The following TRPM3 variants were observed in gnomAD, a reference collection of about 807,000 sequenced individuals.
The protein encoded by TRPM3 is transient receptor potential cation channel subfamily M member 3.
Under a neutral mutation model 181.2 loss-of-function variants are expected in TRPM3, and 77 were observed. The observed-to-expected ratio is 0.42, with a 90% CI of 0.35 to 0.51. TRPM3 has a LOEUF of 0.51. Ranked by LOEUF, TRPM3 falls within the 20% of genes least tolerant of loss-of-function variation. TRPM3 has a pLI of 0.01. For missense variants in TRPM3, 1,759 were observed against 2,196.7 expected (o/e 0.80, Z 3.98); for synonymous variants, 745 against 796.4 (o/e 0.94, Z 1.09).
Position 70,539,614 on chromosome 9 carries a change from C to T in TRPM3, c.3708-2209G>A, listed in dbSNP as rs537490354. Reference sequence around the variant, plus strand: ...GCTATTCTGTATCTGGCAAACTCAACGCCATGCACTCAGCTGACACAGCTA... The same window carrying T: ...GCTATTCTGTATCTGGCAAACTCAATGCCATGCACTCAGCTGACACAGCTA... On this transcript the variant is annotated intron_variant, in intron 25 of 25. Transcript: ENST00000677713. Among the ~76,000 whole-genome samples, 18 of 152,190 alleles carry T rather than the reference C, an allele frequency of 1.2e-4. No individual in the cohort carries two copies. In the South Asian group the frequency reaches 2.5e-3, roughly 21 times the overall value.
chr9:70,738,629 A>G (rs1375591458), intron 8 of TRPM3, among the ~76,000 whole-genome samples: 1 of 152,130 alleles, frequency 6.6e-6, no homozygotes, highest in African/African-American at 2.4e-5. Context: ...AAGAAATAAC[A>G]AAGATCAGGG....
intron 1 of TRPM3, among the ~76,000 whole-genome samples, chr9:71,357,445 G>A (rs770999586): frequency 5.3e-5 from 8 of 152,112 alleles, no homozygotes; most frequent in African/African-American, 1.7e-4. Context: ...AAGCAGACAC[G>A]TTTTATTGTA....
At chr9:71,152,048 G>A (rs764318863) in intron 1 of TRPM3, among the ~76,000 whole-genome samples, 16 of 152,120 alleles carry the variant, frequency 1.1e-4, no homozygotes, top group Admixed American at 2.0e-4. Flanking sequence ...TGTCATGGCC[G>A]ATTTTATGAT....
At chr9:71,282,980 G>C (rs73649707) in intron 1 of TRPM3, among the ~76,000 whole-genome samples, 2,765 of 152,124 alleles carry the variant, frequency 0.018, 85 homozygotes, top group African/African-American at 0.063. Flanking sequence ...TGCTTCCCAA[G>C]GTGCCATATC....
At chr9:71,105,796 T>C (rs1455607262) in intron 1 of TRPM3, among the ~76,000 whole-genome samples, 1 of 152,198 alleles carries the variant, frequency 6.6e-6, no homozygotes, top group Admixed American at 6.5e-5. Flanking sequence ...CAGAACGTAG[T>C]ACGTGTATAC....
At chr9:70,543,782 A>T (rs1176731608) in intron 25 of TRPM3, among the ~76,000 whole-genome samples, 1 of 152,174 alleles carries the variant, frequency 6.6e-6, no homozygotes, top group Non-Finnish European at 1.5e-5. Flanking sequence ...CAAGGAGAAA[A>T]TTCAAACCTC....
intron 1 of TRPM3, among the ~76,000 whole-genome samples, chr9:70,971,919 A>G (rs952803150): frequency 6.6e-6 from 1 of 152,182 alleles, no homozygotes; most frequent in African/African-American, 2.4e-5. Flanking sequence ...GGATGACTGT[A>G]ATGAAAAAGA....
intron 21 of TRPM3, among the ~76,000 whole-genome samples, chr9:70,597,613 C>T (rs1228715737): frequency 2.0e-5 from 3 of 152,182 alleles, no homozygotes; most frequent in Admixed American, 6.5e-5. Context: ...TCAGTCTCTA[C>T]GGAAAAAGTC....
At chr9:71,198,189 T>C (rs1377664945) in intron 1 of TRPM3, among the ~76,000 whole-genome samples, 14 of 152,014 alleles carry the variant, frequency 9.2e-5, no homozygotes, top group African/African-American at 3.1e-4. Flanking sequence ...TGTAGATATG[T>C]GGTGTTATTT....
At chr9:70,674,151 T>C (rs1285350627) in intron 9 of TRPM3, among the ~76,000 whole-genome samples, 1 of 152,148 alleles carries the variant, frequency 6.6e-6, no homozygotes, top group Non-Finnish European at 1.5e-5. Flanking sequence ...CTTGTACACA[T>C]AATTAGAAAT....
intron 1 of TRPM3, among the ~76,000 whole-genome samples, chr9:71,362,964 T>C (rs1366818106): frequency 6.6e-6 from 1 of 152,218 alleles, no homozygotes; most frequent in Non-Finnish European, 1.5e-5. Flanking sequence ...GATTCTTTCA[T>C]TTAAAACAAG....
intron 11 of TRPM3, among the ~76,000 whole-genome samples, chr9:70,637,952 C>A (rs1028651124): frequency 6.6e-6 from 1 of 152,062 alleles, no homozygotes; most frequent in African/African-American, 2.4e-5. Context: ...AACGTGTATA[C>A]CTGTGTAATG....
At chr9:71,081,682 TAC>T (rs2064369852) in intron 1 of TRPM3, among the ~76,000 whole-genome samples, 1 of 151,912 alleles carries the variant, frequency 6.6e-6, no homozygotes, top group South Asian at 2.1e-4. Flanking sequence ...CACACACACA[TAC>T]ACACACACAA....
chr9:70,957,107 C>T (rs900021701), intron 1 of TRPM3, among the ~76,000 whole-genome samples: 2 of 151,682 alleles, frequency 1.3e-5, no homozygotes, highest in African/African-American at 2.4e-5. Flanking sequence ...ACTACAGGCA[C>T]GCGCCACCGC....
chr9:71,380,390 A>T (rs1049175667), intron 1 of TRPM3, among the ~76,000 whole-genome samples: 1 of 152,082 alleles, frequency 6.6e-6, no homozygotes, highest in Non-Finnish European at 1.5e-5. Flanking sequence ...AATATTACCA[A>T]TTAGAGAATG....
intron 1 of TRPM3, among the ~76,000 whole-genome samples, chr9:71,205,900 T>G (rs1196738916): frequency 6.6e-6 from 1 of 152,186 alleles, no homozygotes; most frequent in Non-Finnish European, 1.5e-5. Context: ...AATGAAAGTG[T>G]GAAAGAGTCA....
chr9:71,026,914 G>A (rs1297320995), intron 1 of TRPM3, among the ~76,000 whole-genome samples: 1 of 152,152 alleles, frequency 6.6e-6, no homozygotes, highest in Admixed American at 6.5e-5. Context: ...ATGCTGCATG[G>A]TGGCTGGGGC....
At chr9:70,630,700 C>G (rs1431457331) in intron 12 of TRPM3, among the ~76,000 whole-genome samples, 1 of 152,204 alleles carries the variant, frequency 6.6e-6, no homozygotes, top group African/African-American at 2.4e-5. Flanking sequence ...AAAGCCTGAA[C>G]TATTATTTCC....
chr9:71,155,481 T>TTTTTTTTTTA (rs2075949158), intron 1 of TRPM3, among the ~76,000 whole-genome samples: 3 of 128,906 alleles, frequency 2.3e-5, no homozygotes, highest in Non-Finnish European at 4.8e-5. Context: ...ACCATGCTTA[T>TTTTTTTTTTA]TTTTATTTTA....
Sources: allele counts gnomAD v4.1 joint callset (sites outside exome capture counted in the v4.1 genomes callset), GRCh38; gene constraint gnomAD v4.1.1; transcripts MANE v1.5; gene names NCBI Gene and HGNC (gene_info 2026-07-23, HGNC 2026-07-21).